Variants in KTN1 observed in about 807,000 individuals in gnomAD.
KTN1 encodes kinectin.
In KTN1, 130 loss-of-function variants were observed where a neutral mutation model predicts 222.5. The ratio of observed to expected loss-of-function variants is 0.58; its 90% confidence interval spans 0.51 to 0.68. The LOEUF (loss-of-function observed/expected upper bound fraction) is 0.68. Ranked by LOEUF, KTN1 falls within the 30% of genes least tolerant of loss-of-function variation. The probability of loss-of-function intolerance (pLI) is 0.00; values close to 1 mark genes in which losing one functional copy is unlikely to be tolerated. For missense variants in KTN1, 1,508 were observed against 1,500.4 expected (o/e 1.01, Z -0.08); for synonymous variants, 512 against 496.3 (o/e 1.03, Z -0.42).
At position 55,612,137 on chromosome 14, in the gene KTN1, A is replaced by C; in HGVS notation, c.89A>C (p.Lys30Thr). Reference sequence around the variant, plus strand: ...TTCCTCTTCTTCTGGCTTTTCATGAAAGAAACATTATATGATGAAGTTCTT... The same window carrying C: ...TTCCTCTTCTTCTGGCTTTTCATGACAGAAACATTATATGATGAAGTTCTT... ...VIFLFFWLFM[K>T]ETLYDEVLAK... is the part of the protein sequence containing the mutation. Residue 30 changes from lysine (K) to threonine (T), a missense_variant, in exon 2 of 44, where the codon AAA becomes ACA. Physicochemically the swap from Lys to Thr is moderately conservative, Grantham distance 78. Transcript: ENST00000395314. The C allele has an allele frequency of 6.4e-7, 1 of 1,572,356 alleles. No individual in the cohort carries two copies. The highest frequency in any genetic ancestry group is 8.6e-7 in the Non-Finnish European group (1 of 1,167,348).
intron 1 of KTN1, among the ~76,000 whole-genome samples, chr14:55,586,685 CT>C (rs1229562765): frequency 6.6e-6 from 1 of 151,976 alleles, no homozygotes; most frequent in Non-Finnish European, 1.5e-5. Flanking sequence ...AAGGATCCCC[CT>C]CCCCCCCATA....
intron 1 of KTN1, among the ~76,000 whole-genome samples, chr14:55,592,192 A>G (rs1443365489): frequency 6.6e-6 from 1 of 152,188 alleles, no homozygotes; most frequent in African/African-American, 2.4e-5. Context: ...CCTCACGGTT[A>G]TGAAGATGTT....
intron 43 of KTN1, chr14:55,680,175 T>C (rs1298835798): frequency 1.9e-5 from 3 of 158,896 alleles, no homozygotes; most frequent in Non-Finnish European, 4.1e-5. Flanking sequence ...TTGCTTTTGT[T>C]AGGTAATCTA....
Position 55,656,088 on chromosome 14 carries a change from A to G in KTN1, c.2848A>G (p.Lys950Glu). Residue 950 changes from lysine to glutamate, a missense_variant, in exon 29 of 44, where the codon AAA becomes GAA. Coordinates refer to ENST00000395314, the MANE Select transcript of KTN1 (RefSeq NM_001079521.2). ...NELKRLEAMLKERESDLSSKT... is the reference protein window; with the variant it reads ...NELKRLEAMLEERESDLSSKT... ...ATTGAAGAGGTTAGAAGCCATGCTAAAAGAGAGGGAGAGTGATCTTTCTAG... is the reference window on the plus strand; with the variant it reads ...ATTGAAGAGGTTAGAAGCCATGCTAGAAGAGAGGGAGAGTGATCTTTCTAG... The G allele has an allele frequency of 1.2e-6, 2 of 1,611,612 alleles. No individual in the cohort carries two copies. Among genetic ancestry groups the G allele is most frequent in the South Asian group, 1.1e-5 (1 of 90,922 alleles).
At chr14:55,611,740 T>C (rs2037609793) in intron 1 of KTN1, among the ~76,000 whole-genome samples, 1 of 152,204 alleles carries the variant, frequency 6.6e-6, no homozygotes, top group South Asian at 2.1e-4. Context: ...GTAATGAATA[T>C]TTAAATTTTT....
chr14:55,660,686 G>T (rs1309437481), intron 31 of KTN1, among the ~76,000 whole-genome samples: 2 of 152,132 alleles, frequency 1.3e-5, no homozygotes, highest in Non-Finnish European at 2.9e-5. Context: ...TAGAGAAAAG[G>T]TTGGCAAATA....
At chr14:55,669,104 CTTTATA>C (rs1188960988) in intron 34 of KTN1, among the ~76,000 whole-genome samples, 5 of 151,818 alleles carry the variant, frequency 3.3e-5, no homozygotes, top group Non-Finnish European at 4.4e-5. Context: ...TTTGTTTCTA[CTTTATA>C]TTTATGGAAA....
intron 1 of KTN1, among the ~76,000 whole-genome samples, chr14:55,584,911 T>C (rs2140303423): frequency 6.6e-6 from 1 of 152,222 alleles, no homozygotes; most frequent in East Asian, 1.9e-4. Context: ...GGTGTGTGGA[T>C]TGCTTGAGCC....
intron 37 of KTN1, chr14:55,672,095 G>C: frequency 2.1e-6 from 1 of 480,046 alleles, no homozygotes; most frequent in South Asian, 3.3e-5. Flanking sequence ...TGACTAAAGG[G>C]TAATCATATA....
intron 43 of KTN1, chr14:55,680,336 G>A (rs371053031): frequency 7.9e-5 from 14 of 176,140 alleles, no homozygotes; most frequent in South Asian, 5.1e-4. Context: ...TATTCCAGCC[G>A]GTGAATGCAG....
At chr14:55,615,792 C>T (rs1163987715) in intron 2 of KTN1, among the ~76,000 whole-genome samples, 1 of 151,342 alleles carries the variant, frequency 6.6e-6, no homozygotes, top group East Asian at 1.9e-4. Flanking sequence ...TCTCTTCCTT[C>T]CCTTCCCTTC....
intron 31 of KTN1, 58 bp downstream of exon 31, chr14:55,659,761 C>T: frequency 1.0e-6 from 1 of 1,000,858 alleles, no homozygotes; most frequent in Non-Finnish European, 1.6e-6. Context: ...ATGTGGTAAA[C>T]CATTCTCAAA....
intron 43 of KTN1, 95 bp from the exon 44 acceptor site, chr14:55,684,004 A>G (rs2046583725): frequency 9.5e-7 from 1 of 1,053,974 alleles, no homozygotes; most frequent in Non-Finnish European, 1.4e-6. Flanking sequence ...GCTAGATCAA[A>G]TGGAATATGT....
At chr14:55,680,735 A>C (rs2046296753) in intron 43 of KTN1, 1 of 1,359,564 alleles carries the variant, frequency 7.4e-7, no homozygotes, top group Non-Finnish European at 9.9e-7. Context: ...TCAAAATGCT[A>C]ATTCAGGTCA....
At position 55,675,876 on chromosome 14, in the gene KTN1, T is replaced by C. The variant is rs761760188; in HGVS notation, c.3813T>C (p.Thr1271=). 1 of 1,613,296 alleles carries C rather than the reference T, an allele frequency of 6.2e-7. No homozygotes were observed. The highest frequency in any genetic ancestry group is 8.5e-7 in the Non-Finnish European group (1 of 1,179,490). ...ATGAAACACTCACAAAACTTAGAAC[T>C]GAACAAAATGAAAGACAGAAGGTAG... ...QLNETLTKLR[T]EQNERQKVAG... Residue 1271 remains threonine, a synonymous_variant, in exon 41 of 44, where the codon ACT becomes ACC. Coordinates refer to ENST00000395314, the MANE Select transcript of KTN1 (RefSeq NM_001079521.2).
chr14:55,588,169 G>A lies in KTN1; in HGVS notation c.-31+7815G>A, dbSNP rs182514177. 1.6e-3 allele frequency among the ~76,000 whole-genome samples: 250 copies of A among 152,172 alleles called. 2 individuals carry two copies. The highest frequency in any genetic ancestry group is 0.01 in the Admixed American group (156 of 15,276). On this transcript the variant is annotated intron_variant, in intron 1 of 43. Coordinates refer to ENST00000395314, the MANE Select transcript of KTN1 (RefSeq NM_001079521.2). ...TAGTCAATTAACATGTATATTGTAC[G>A]TTATATGTATTATATACTGTATTCT... is the stretch of plus-strand genomic sequence containing the variant.
intron 24 of KTN1, chr14:55,651,543 G>C (rs2042934442): frequency 5.4e-6 from 2 of 371,026 alleles, no homozygotes; most frequent in Non-Finnish European, 1.0e-5. Flanking sequence ...TGACTGGTCT[G>C]AGTGCAGTGG....
At chr14:55,662,853 G>A (rs934041635) in intron 32 of KTN1, 4 of 455,866 alleles carry the variant, frequency 8.8e-6, no homozygotes, top group Admixed American at 7.1e-5. Context: ...TGAACTTGCC[G>A]ATATACTGCT....
In KTN1 at chr14:55,612,402, A is replaced by G. The variant is rs2037715975; in HGVS notation, c.354A>G (p.Glu118=). 2 of 1,613,878 alleles carry G rather than the reference A, an allele frequency of 1.2e-6. No homozygotes were observed. The highest frequency in any genetic ancestry group is 3.3e-5 in the Admixed American group (2 of 59,968). The change falls in exon 2 of 44, where the codon GAA becomes GAG. Residue 118 remains glutamate (E), a synonymous_variant. Transcript: ENST00000395314. ...SSSVRERKKK[E]KKQKPVLEEQ... ...GTGTTAGGGAAAGAAAAAAGAAGGAAAAGAAACAAAAGCCTGTGCTTGAAG... is the reference window on the plus strand; with the variant it reads ...GTGTTAGGGAAAGAAAAAAGAAGGAGAAGAAACAAAAGCCTGTGCTTGAAG...
Sources: allele counts gnomAD v4.1 joint callset (sites outside exome capture counted in the v4.1 genomes callset), GRCh38; gene constraint gnomAD v4.1.1; transcripts MANE v1.5; gene names NCBI Gene and HGNC (gene_info 2026-07-23, HGNC 2026-07-21).